ANKRD30A: variants seen among roughly 807,000 people sequenced by gnomAD.
ANKRD30A encodes ankyrin repeat domain-containing protein 30A.
Under a neutral mutation model 166.3 loss-of-function variants are expected in ANKRD30A, and 170 were observed. The ratio of observed to expected loss-of-function variants is 1.02; its 90% CI spans 0.90 to 1.16. The LOEUF (loss-of-function observed/expected upper bound fraction) is 1.16, where lower values mean the gene tolerates loss of function less well. ANKRD30A is among the 50% of genes most tolerant of loss of function. The pLI is 0.00. For synonymous variants in ANKRD30A, 564 were observed against 508.9 expected, an observed-to-expected ratio of 1.11 and a Z score of -1.46; for missense variants, 1,630 against 1,518.0, an observed-to-expected ratio of 1.07 and a Z score of -1.23.
chr10:37,205,112 G>C (rs61865175), intron 31 of ANKRD30A, among the ~76,000 whole-genome samples: 7,298 of 152,142 alleles, frequency 0.048, 237 homozygotes, highest in South Asian at 0.061. Flanking sequence ...TATACCCAAA[G>C]GATTATAAAT....
intron 13 of ANKRD30A, among the ~76,000 whole-genome samples, chr10:37,154,490 G>A (rs987805220): frequency 1.3e-5 from 2 of 152,118 alleles, no homozygotes; most frequent in South Asian, 4.1e-4. Flanking sequence ...AAAAGGGTCA[G>A]GAGAGAGCAG....
At chr10:37,195,764 C>A (rs529384629) in intron 27 of ANKRD30A, among the ~76,000 whole-genome samples, 1 of 151,990 alleles carries the variant, frequency 6.6e-6, no homozygotes, top group Non-Finnish European at 1.5e-5. Flanking sequence ...CGTGGTGGCA[C>A]GCATTTCTAA....
At chr10:37,162,227 T>A (rs1177234196) in intron 15 of ANKRD30A, among the ~76,000 whole-genome samples, 1 of 152,174 alleles carries the variant, frequency 6.6e-6, no homozygotes, top group Non-Finnish European at 1.5e-5. Flanking sequence ...AGACAAGATG[T>A]CAGTTCTACA....
At chr10:37,150,015 G>A (rs936472130) in intron 11 of ANKRD30A, among the ~76,000 whole-genome samples, 166 bp downstream of exon 11, 1 of 151,876 alleles carries the variant, frequency 6.6e-6, no homozygotes, top group African/African-American at 2.4e-5. Flanking sequence ...TACAAGAACA[G>A]TAATTTTTAA....
At position 37,142,177 on chromosome 10, in the gene ANKRD30A, A is replaced by G. The variant is rs1355633879; in HGVS notation, c.1280A>G (p.Lys427Arg). 3.1e-6 allele frequency: 5 copies of G among 1,614,058 alleles called. No homozygotes were observed. The highest frequency in any genetic ancestry group is 4.2e-6 in the Non-Finnish European group (5 of 1,180,022). The change falls in exon 7 of 36, where the codon AAG becomes AGG. Residue 427 changes from lysine (K) to arginine (R), a missense_variant. Physicochemically the swap from Lys to Arg is conservative, Grantham distance 26. This residue lies in a region of ANKRD30A where 904 missense variants were observed against 818.5 expected (regional missense o/e 1.10). Coordinates refer to ENST00000361713, the MANE Select transcript of ANKRD30A (RefSeq NM_052997.3). ...IAWEKKETPVKTGCVARVTSN... is the reference protein window; with the variant it reads ...IAWEKKETPVRTGCVARVTSN... ...TGGGAGAAAAAAGAAACACCTGTAA[A>G]GACTGGATGCGTGGCAAGAGTAACA... is the stretch of plus-strand genomic sequence containing the variant.
chr10:37,132,477 G>C (rs60350670), intron 4 of ANKRD30A, 131 bp downstream of exon 4: 86 of 532,628 alleles, frequency 1.6e-4, no homozygotes, highest in African/African-American at 1.5e-3. Context: ...CAGATTATCA[G>C]AAGAAAAGCA....
At chr10:37,126,062 G>GTGC in intron 1 of ANKRD30A, 54 bp downstream of exon 1, 1 of 1,170,672 alleles carries the variant, frequency 8.5e-7, no homozygotes, top group Non-Finnish European at 1.2e-6. Context: ...GCGGTGGGAG[G>GTGC]ATCGCCCCTT....
intron 15 of ANKRD30A, among the ~76,000 whole-genome samples, chr10:37,158,822 T>G (rs1838594872): frequency 2.0e-5 from 3 of 152,178 alleles, no homozygotes; most frequent in South Asian, 4.1e-4. Flanking sequence ...AATATCCTGA[T>G]AGTGTAAAGT....
chr10:37,167,047 A>T (rs1391488838), intron 19 of ANKRD30A, among the ~76,000 whole-genome samples: 1 of 152,106 alleles, frequency 6.6e-6, no homozygotes, highest in Non-Finnish European at 1.5e-5. Context: ...ATGGAGGATG[A>T]TAAAATGAAA....
At chr10:37,251,155 A>G in the ANKRD30A span, among the ~76,000 whole-genome samples, 1 of 152,182 alleles carries the variant, frequency 6.6e-6, no homozygotes, top group Admixed American at 6.5e-5. Context: ...GTAGAGAAAA[A>G]CATACAATCT....
Position 37,125,762 on chromosome 10 carries a change from G to T in ANKRD30A, c.-26G>T. ...TGGGAAGGGCGATCGGGAGGCGCGG[G>T]CACTCTCTAGCAGGTGGCCGCAGCC... On this transcript the variant is annotated 5_prime_UTR_variant, in exon 1 of 36. Coordinates refer to ENST00000361713, the MANE Select transcript of ANKRD30A (RefSeq NM_052997.3). The T allele has an allele frequency of 5.0e-6, 3 of 598,740 alleles. No individual in the cohort carries two copies. Among genetic ancestry groups the T allele is most frequent in the Non-Finnish European group, 9.0e-6 (3 of 331,810 alleles). 37.1% of individuals were successfully genotyped at this position (598,740 alleles called of 1,614,324 possible).
rs1588850992 is a variant in ANKRD30A at position 37,166,492 on chromosome 10, G to A, written c.2065-113G>A. On this transcript the variant is annotated intron_variant, in intron 18 of 35. Coordinates refer to ENST00000361713, the MANE Select transcript of ANKRD30A (RefSeq NM_052997.3). ...CATGTATCTGCTCTTAAGTCGAATT[G>A]TTTGCAAAGGAGGAAATTGTGTTTT... is the stretch of plus-strand genomic sequence containing the variant. 9 of 1,027,756 alleles carry A rather than the reference G, an allele frequency of 8.8e-6. No homozygotes were observed. In the East Asian group the frequency reaches 2.0e-4, roughly 23 times the overall value. The allele number at this position is 1,027,756 out of a possible 1,614,324, so 63.7% of individuals were successfully genotyped here.
rs1631274 is a variant in ANKRD30A, at chr10:37,164,543, A to T, written c.2003-551A>T. Among the ~76,000 whole-genome samples the T allele has an allele frequency of 4.3e-4, 65 of 152,154 alleles. 1 individual carries two copies. In the Middle Eastern group the frequency reaches 0.01, roughly 24 times the overall value. Reference sequence around the variant, plus strand: ...TTTTTAAAGCTTATCTTCCTAAAGCATATACACACGCAAAACACACCCAAT... The same window carrying T: ...TTTTTAAAGCTTATCTTCCTAAAGCTTATACACACGCAAAACACACCCAAT... On this transcript the variant is annotated intron_variant, in intron 17 of 35. Transcript: ENST00000361713.
the ANKRD30A span, among the ~76,000 whole-genome samples, chr10:37,261,383 T>TCA: frequency 6.6e-6 from 1 of 151,998 alleles, no homozygotes; most frequent in Non-Finnish European, 1.5e-5. Flanking sequence ...GTAGTAAATA[T>TCA]CCCCCCAAAT....
rs568161806 is a variant in ANKRD30A at position 37,203,588 on chromosome 10, C to T, written c.2869+2263C>T. ...TGAAAACTGGCACAAGACAGGGATG[C>T]CCTCTCTCACCACTGCTATTCAACA... On this transcript the variant is annotated intron_variant, in intron 31 of 35. Transcript: ENST00000361713. 1.2e-4 allele frequency among the ~76,000 whole-genome samples: 19 copies of T among 152,234 alleles called. No homozygotes were observed. The South Asian group carries it at 2.1e-3, about 17-fold the overall frequency.
chr10:37,245,149 G>A, the ANKRD30A span, among the ~76,000 whole-genome samples: 1 of 152,094 alleles, frequency 6.6e-6, no homozygotes, highest in African/African-American at 2.4e-5. Flanking sequence ...TTCACATAGA[G>A]ATCTTGCCTA....
intron 18 of ANKRD30A, among the ~76,000 whole-genome samples, chr10:37,166,205 G>A (rs1003744499): frequency 4.6e-5 from 7 of 152,072 alleles, no homozygotes; most frequent in Admixed American, 2.6e-4. Flanking sequence ...TATTTTAAAT[G>A]TTTACTGCTG....
intron 6 of ANKRD30A, among the ~76,000 whole-genome samples, chr10:37,137,116 T>C (rs1836752867): frequency 6.6e-6 from 1 of 151,966 alleles, no homozygotes; most frequent in Non-Finnish European, 1.5e-5. Context: ...GATCAGGTTA[T>C]CCAATTTAAT....
chr10:37,223,172 A>C (rs1354355996), intron 34 of ANKRD30A, among the ~76,000 whole-genome samples: 2 of 151,386 alleles, frequency 1.3e-5, no homozygotes, highest in Non-Finnish European at 3.0e-5. Flanking sequence ...ATTTTAGAAT[A>C]GGGATTTTCA....
Sources: gnomAD v4.1 joint callset for allele counts (sites outside exome capture counted in the v4.1 genomes callset) on GRCh38, gnomAD v4.1.1 for gene constraint, gnomAD v4.1.1 regional missense constraint, MANE v1.5 for transcripts, NCBI Gene and HGNC (gene_info 2026-07-23, HGNC 2026-07-21) for gene names.